The following PRKN variants were observed in gnomAD, a reference collection of about 807,000 sequenced individuals.
PRKN encodes E3 ubiquitin-protein ligase parkin.
In PRKN, 56 loss-of-function variants were observed where a neutral mutation model predicts 59.5. The ratio of observed to expected loss-of-function variants is 0.94; its 90% confidence interval spans 0.76 to 1.18. PRKN has a LOEUF of 1.18. Among genes scored for constraint, PRKN ranks in the 50% most tolerant of loss-of-function variants. PRKN has a pLI of 0.00. For synonymous variants in PRKN, 250 were observed against 222.1 expected (o/e 1.13, Z -1.12); for missense variants, 657 against 596.4 (o/e 1.10, Z -1.06).
At chr6:162,018,261 C>T (rs1445842741) in intron 5 of PRKN, among the ~76,000 whole-genome samples, 1 of 152,084 alleles carries the variant, frequency 6.6e-6, no homozygotes, top group Non-Finnish European at 1.5e-5. Context: ...CTCCTGACCT[C>T]GTGATCCACC....
intron 1 of PRKN, chr6:162,727,356 A>T: frequency 2.9e-6 from 1 of 346,244 alleles, no homozygotes; most frequent in East Asian, 7.1e-5. Context: ...GGGACCCCAC[A>T]CGGTCCGGGG....
chr6:162,705,827 A>C (rs920828909), intron 1 of PRKN, among the ~76,000 whole-genome samples: 2 of 152,106 alleles, frequency 1.3e-5, no homozygotes, highest in Non-Finnish European at 2.9e-5. Flanking sequence ...CCTATAAGTA[A>C]ACTCAGGAGC....
In PRKN at chr6:161,350,353, T is replaced by C. The variant is rs537284954; in HGVS notation, c.1286-142A>G. 37 of 655,598 alleles carry C rather than the reference T, an allele frequency of 5.6e-5. No homozygotes were observed. In the African/African-American group the frequency reaches 5.9e-4, roughly 10 times the overall value. 40.6% of individuals were successfully genotyped at this position (655,598 alleles called of 1,614,324 possible). On this transcript the variant is annotated intron_variant, in intron 11 of 11. Transcript: ENST00000366898. ...ATACAAGGGCAGAGAGAAACTTAAC[T>C]GAGGGGAAAAACTTCATAAAGCACA...
At chr6:161,838,766 C>T (rs1792864204) in intron 6 of PRKN, among the ~76,000 whole-genome samples, 1 of 152,328 alleles carries the variant, frequency 6.6e-6, no homozygotes, top group East Asian at 1.9e-4. Context: ...GAGCGCTGGT[C>T]TCTGCACAAA....
intron 3 of PRKN, among the ~76,000 whole-genome samples, chr6:162,258,088 C>G (rs1169715626): frequency 6.6e-6 from 1 of 152,186 alleles, no homozygotes; most frequent in Non-Finnish European, 1.5e-5. Context: ...CAAATGGATG[C>G]TCCCTGAGGG....
chr6:161,625,565 T>A (rs1432143639), intron 7 of PRKN, among the ~76,000 whole-genome samples: 3 of 152,286 alleles, frequency 2.0e-5, no homozygotes, highest in South Asian at 4.1e-4. Flanking sequence ...AGTATAATTT[T>A]AAAAAATCAA....
intron 1 of PRKN, among the ~76,000 whole-genome samples, chr6:162,516,981 TG>T (rs1777888396): frequency 6.6e-6 from 1 of 151,896 alleles, no homozygotes; most frequent in Non-Finnish European, 1.5e-5. Context: ...TGTAAATAAA[TG>T]GATAAAAGAG....
At chr6:161,978,502 G>C (rs534147847) in intron 5 of PRKN, among the ~76,000 whole-genome samples, 2 of 152,382 alleles carry the variant, frequency 1.3e-5, no homozygotes, top group African/African-American at 4.8e-5. Flanking sequence ...TTGGGTGTCT[G>C]AGATGGCTTG....
chr6:162,024,217 T>TTG (rs1783329157), intron 5 of PRKN, among the ~76,000 whole-genome samples: 2 of 146,864 alleles, frequency 1.4e-5, no homozygotes, highest in South Asian at 2.2e-4. Context: ...TTTTTTTTTT[T>TTG]GACAGAGTTT....
At chr6:162,045,930 T>G (rs1582948924) in intron 5 of PRKN, among the ~76,000 whole-genome samples, 1 of 152,234 alleles carries the variant, frequency 6.6e-6, no homozygotes, top group African/African-American at 2.4e-5. Flanking sequence ...TAATGTACCA[T>G]CTCGATTGAA....
At chr6:162,459,728 A>G (rs1411857426) in intron 1 of PRKN, among the ~76,000 whole-genome samples, 2 of 152,242 alleles carry the variant, frequency 1.3e-5, no homozygotes, top group Non-Finnish European at 2.9e-5. Context: ...AATGCATAGT[A>G]TACAGTAAGC....
In PRKN at chr6:161,397,206, A is replaced by T. The variant is rs550302988; in HGVS notation, c.1084-10329T>A. 1.3e-5 allele frequency among the ~76,000 whole-genome samples: 2 copies of T among 152,306 alleles called. No individual in the cohort carries two copies. The highest frequency in any genetic ancestry group is 4.8e-5 in the African/African-American group (2 of 41,556). ...TGTCTTCCCAAGATCCAGGTGCTAG[A>T]ACATAGTAGGTGATCAGTGTCTCTT... On this transcript the variant is annotated intron_variant, in intron 9 of 11. Transcript: ENST00000366898. The surrounding 1 kb of genome is among the most constrained non-coding windows in gnomAD (Gnocchi z 4.2).
intron 9 of PRKN, among the ~76,000 whole-genome samples, chr6:161,432,525 C>T (rs1788695465): frequency 6.7e-6 from 1 of 150,294 alleles, no homozygotes; most frequent in South Asian, 2.1e-4. Flanking sequence ...ATCACCATGC[C>T]CAGCTAATTT....
intron 1 of PRKN, among the ~76,000 whole-genome samples, chr6:162,632,340 A>T (rs1783142758): frequency 1.3e-5 from 2 of 152,238 alleles, no homozygotes; most frequent in Non-Finnish European, 2.9e-5. Flanking sequence ...GAAAGAATGA[A>T]ATCATGTCCT....
intron 1 of PRKN, among the ~76,000 whole-genome samples, chr6:162,605,229 T>G (rs372214102): frequency 1.6e-4 from 25 of 151,776 alleles, no homozygotes; most frequent in African/African-American, 5.3e-4. Flanking sequence ...CCAGTAAGAA[T>G]AGAGAAGATT....
intron 2 of PRKN, among the ~76,000 whole-genome samples, chr6:162,356,717 A>C (rs1202718987): frequency 1.3e-5 from 2 of 149,274 alleles, no homozygotes; most frequent in Non-Finnish European, 3.0e-5. Flanking sequence ...TGCTTACTAT[A>C]ATGTCACAGT....
At chr6:162,149,312 T>C (rs1782161664) in intron 4 of PRKN, among the ~76,000 whole-genome samples, 1 of 152,122 alleles carries the variant, frequency 6.6e-6, no homozygotes, top group South Asian at 2.1e-4. Flanking sequence ...TGGCACAATC[T>C]CTGCTCATTG....
chr6:161,723,213 G>A (rs1450098860), intron 7 of PRKN, among the ~76,000 whole-genome samples: 1 of 151,140 alleles, frequency 6.6e-6, no homozygotes, highest in East Asian at 1.9e-4. Flanking sequence ...AGTTTGCAGT[G>A]AGCCGAGATT....
At chr6:162,651,367 G>A (rs534039300) in intron 1 of PRKN, among the ~76,000 whole-genome samples, 21 of 152,268 alleles carry the variant, frequency 1.4e-4, no homozygotes, top group African/African-American at 4.6e-4. Flanking sequence ...AACTCTGTAA[G>A]TCTGAAAATA....
Sources: allele counts gnomAD v4.1 joint callset (sites outside exome capture counted in the v4.1 genomes callset), GRCh38; gene constraint gnomAD v4.1.1; non-coding constraint Gnocchi (gnomAD v3.1); transcripts MANE v1.5; gene names NCBI Gene and HGNC (gene_info 2026-07-23, HGNC 2026-07-21).